Variants in RNF217 observed in about 807,000 individuals in gnomAD.
RNF217 encodes E3 ubiquitin-protein ligase RNF217.
A neutral mutation model predicts 57.8 loss-of-function variants in RNF217; 31 were observed. The ratio of observed to expected loss-of-function variants is 0.54; its 90% CI spans 0.40 to 0.72. RNF217 has a LOEUF of 0.72. Among genes scored for constraint, RNF217 ranks in the 30% least tolerant of loss-of-function variants. The pLI, the probability that RNF217 is intolerant of heterozygous loss-of-function variation, is 0.00. For missense variants in RNF217, 696 were observed against 708.3 expected (o/e 0.98, Z 0.20); for synonymous variants, 313 against 294.0 (o/e 1.06, Z -0.66).
chr6:125,009,240 C>T, intron 1 of RNF217: 1 of 1,610,412 alleles, frequency 6.2e-7, no homozygotes, highest in South Asian at 1.1e-5. Context: ...AATTAGTTCT[C>T]TTCTCATCCA....
intron 1 of RNF217, among the ~76,000 whole-genome samples, chr6:124,964,549 T>A (rs182770500): frequency 6.6e-6 from 1 of 152,306 alleles, no homozygotes; most frequent in African/African-American, 2.4e-5. Flanking sequence ...GTGATTCCTC[T>A]ATGTTTTTTG....
intron 1 of RNF217, among the ~76,000 whole-genome samples, chr6:125,014,111 C>G (rs114632036): frequency 0.013 from 2,000 of 152,292 alleles, 45 homozygotes; most frequent in African/African-American, 0.046. Context: ...TTTGCTTAGA[C>G]AACCTCAGGT....
At chr6:124,965,884 A>G (rs1380442514) in intron 1 of RNF217, among the ~76,000 whole-genome samples, 4 of 152,224 alleles carry the variant, frequency 2.6e-5, no homozygotes, top group African/African-American at 9.6e-5. Context: ...AATTAAGTCA[A>G]GACAGAAGTT....
intron 2 of RNF217, among the ~76,000 whole-genome samples, chr6:125,054,124 G>A (rs73580021): frequency 0.13 from 19,816 of 152,142 alleles, 1,355 homozygotes; most frequent in Middle Eastern, 0.17. Context: ...CTTGTGGGCT[G>A]TTGGAGAGAT....
At chr6:124,984,649 T>G (rs1172648832) in intron 1 of RNF217, among the ~76,000 whole-genome samples, 1 of 152,138 alleles carries the variant, frequency 6.6e-6, no homozygotes, top group African/African-American at 2.4e-5. Flanking sequence ...TTAGGTTTTT[T>G]TTAATCTCAT....
intron 1 of RNF217, among the ~76,000 whole-genome samples, chr6:125,006,934 A>T (rs1277540389): frequency 6.6e-6 from 1 of 152,254 alleles, no homozygotes; most frequent in Admixed American, 6.5e-5. Context: ...GGGTGACAAG[A>T]GCAAAACTCC....
chr6:125,010,284 A>G (rs1047881790), intron 1 of RNF217, among the ~76,000 whole-genome samples: 3 of 152,160 alleles, frequency 2.0e-5, no homozygotes, highest in Admixed American at 6.5e-5. Context: ...ATAATTTACC[A>G]TGTTTTTGTC....
At chr6:125,059,441 C>G in intron 3 of RNF217, among the ~76,000 whole-genome samples, 1 of 152,226 alleles carries the variant, frequency 6.6e-6, no homozygotes, top group African/African-American at 2.4e-5. Flanking sequence ...AGCTACTGCT[C>G]AGTTTCAAAC....
chr6:125,067,446 A>G (rs1582771856), intron 3 of RNF217, among the ~76,000 whole-genome samples: 2 of 152,196 alleles, frequency 1.3e-5, no homozygotes, highest in African/African-American at 4.8e-5. Flanking sequence ...CAGTTGTCAA[A>G]GGGCTGGAGG....
chr6:125,039,529 TAGAC>T lies in RNF217; in HGVS notation c.883-5678_883-5675del, dbSNP rs1786791063. The stretch of plus-strand genomic sequence containing the variant: ...GACTTTAACACCACATTTTCAATAT[TAGAC>T]AGATCAACAAGACAAAATTAACAAG... On this transcript the variant is annotated intron_variant, in intron 1 of 5. Coordinates refer to ENST00000521654, the MANE Select transcript of RNF217 (RefSeq NM_001286398.3). 2.0e-5 allele frequency among the ~76,000 whole-genome samples: 3 copies of T among 152,104 alleles called. 1 individual carries two copies. The highest frequency in any genetic ancestry group is 2.4e-5 in the African/African-American group (1 of 41,442).
At chr6:124,968,210 G>A (rs1582648493) in intron 1 of RNF217, among the ~76,000 whole-genome samples, 5 of 152,188 alleles carry the variant, frequency 3.3e-5, no homozygotes, top group Admixed American at 2.6e-4. Flanking sequence ...GCCCGGTGTG[G>A]TTTTGGTAGT....
At chr6:125,070,792 A>G (rs143089327) in intron 3 of RNF217, among the ~76,000 whole-genome samples, 3 of 152,326 alleles carry the variant, frequency 2.0e-5, no homozygotes, top group African/African-American at 7.2e-5. Flanking sequence ...ACACATATAT[A>G]AAAATACTTT....
At chr6:124,989,345 A>T (rs182774729) in intron 1 of RNF217, among the ~76,000 whole-genome samples, 3 of 152,224 alleles carry the variant, frequency 2.0e-5, no homozygotes, top group Non-Finnish European at 4.4e-5. Context: ...CCTTCAAAGC[A>T]TGACACTTGA....
At chr6:125,017,941 A>G (rs1785675130) in intron 1 of RNF217, among the ~76,000 whole-genome samples, 1 of 152,200 alleles carries the variant, frequency 6.6e-6, no homozygotes, top group Admixed American at 6.5e-5. Flanking sequence ...ATTTTCACGA[A>G]TCACATTTTC....
At chr6:125,037,902 T>C (rs1222039488) in intron 1 of RNF217, among the ~76,000 whole-genome samples, 1 of 152,164 alleles carries the variant, frequency 6.6e-6, no homozygotes, top group Non-Finnish European at 1.5e-5. Flanking sequence ...GACCAACACT[T>C]ACAACCATGA....
At chr6:125,015,560 C>T (rs1486805268) in intron 1 of RNF217, among the ~76,000 whole-genome samples, 1 of 151,942 alleles carries the variant, frequency 6.6e-6, no homozygotes, top group Non-Finnish European at 1.5e-5. Context: ...ATCTAATAAA[C>T]ATAAATGCCA....
chr6:125,059,494 C>T (rs1787648743), intron 3 of RNF217, among the ~76,000 whole-genome samples: 1 of 152,124 alleles, frequency 6.6e-6, no homozygotes, highest in Admixed American at 6.5e-5. Context: ...TTAAGTTATT[C>T]TACTTAACAG....
chr6:125,006,668 G>A (rs1244509594), intron 1 of RNF217, among the ~76,000 whole-genome samples: 1 of 152,212 alleles, frequency 6.6e-6, no homozygotes, highest in Non-Finnish European at 1.5e-5. Context: ...GAATGCATGG[G>A]CTGGGTGTGG....
chr6:125,048,119 G>T (rs2114546035), intron 2 of RNF217: 3 of 1,058,774 alleles, frequency 2.8e-6, no homozygotes, highest in Non-Finnish European at 2.6e-6. Context: ...TAACTACCTG[G>T]TTTACATGCC....
Sources: gnomAD v4.1 joint callset for allele counts (sites outside exome capture counted in the v4.1 genomes callset) on GRCh38, gnomAD v4.1.1 for gene constraint, MANE v1.5 for transcripts, NCBI Gene and HGNC (gene_info 2026-07-23, HGNC 2026-07-21) for gene names.